Variants in PAOX observed in about 807,000 individuals in gnomAD.
The protein encoded by PAOX is polyamine oxidase.
In PAOX, 38 loss-of-function variants were observed where a neutral mutation model predicts 39.0. The ratio of observed to expected loss-of-function variants is 0.97; its 90% CI spans 0.75 to 1.28. PAOX has a LOEUF of 1.28. Ranked by LOEUF, PAOX falls within the 50% of genes most tolerant of loss-of-function variation. The pLI is 0.00. For missense variants in PAOX, 667 were observed against 685.7 expected, an observed-to-expected ratio of 0.97 and a Z score of 0.30; for synonymous variants, 311 against 314.4, an observed-to-expected ratio of 0.99 and a Z score of 0.11.
rs922114841 is a variant in PAOX, at chr10:133,379,517, C to T, written c.181+20C>T. The T allele has an allele frequency of 5.7e-6, 7 of 1,225,022 alleles. No homozygotes were observed. The highest frequency in any genetic ancestry group is 4.3e-5 in the Admixed American group (1 of 23,460). 75.9% of individuals were successfully genotyped at this position (1,225,022 alleles called of 1,614,324 possible). ...GCTTCGGTAACCGCCCCTCCCGGAG[C>T]CCCTCCCGGAACCCAACCGGCTGCG... On this transcript the variant is annotated intron_variant, in intron 1 of 6. Transcript: ENST00000278060.
rs1849491608 is a variant in PAOX at position 133,384,881 on chromosome 10, A to G, written c.1121+669A>G. On this transcript the variant is annotated intron_variant, in intron 4 of 6. Transcript: ENST00000278060. This position sits in a 1 kb window ranked among gnomAD's most constrained non-coding sequence, Gnocchi z 4.3. ...AAAGACCCGGGATGGGGTGGGATGT[A>G]GGGCATGCCTGCCAGATGGTTCATA... Among the ~76,000 whole-genome samples, 1 of 152,214 alleles carries G rather than the reference A, an allele frequency of 6.6e-6. No homozygotes were observed. Among genetic ancestry groups the G allele is most frequent in the Non-Finnish European group, 1.5e-5 (1 of 68,034 alleles).
At chr10:133,389,929 C>T (rs1041881363) in intron 6 of PAOX, among the ~76,000 whole-genome samples, 182 bp downstream of exon 6, 1 of 152,212 alleles carries the variant, frequency 6.6e-6, no homozygotes, top group Non-Finnish European at 1.5e-5. Context: ...TATACACACA[C>T]AGCTTAAAAA....
intron 1 of PAOX, 127 bp from the exon 2 acceptor site, chr10:133,379,872 A>G (rs142593665): frequency 3.9e-6 from 5 of 1,267,168 alleles, no homozygotes; most frequent in Non-Finnish European, 5.3e-6. Context: ...GGGGGACCAC[A>G]GGGCCCTTGG....
In PAOX at chr10:133,381,431, C is replaced by G; in HGVS notation, c.669-29C>G. On this transcript the variant is annotated intron_variant, in intron 2 of 6. Transcript: ENST00000278060. ...TCCTGCCCTTCCAGGGACTGGGCCT[C>G]TACGAAACCAGCACTTCCGTCTTTC... The G allele has an allele frequency of 4.4e-6, 7 of 1,609,072 alleles. No individual in the cohort carries two copies. The South Asian group carries it at 5.5e-5, about 13-fold the overall frequency.
chr10:133,389,512 A>G (rs553608506), intron 5 of PAOX, 78 bp from the exon 6 acceptor site: 25 of 1,588,822 alleles, frequency 1.6e-5, no homozygotes, highest in African/African-American at 1.2e-4. Flanking sequence ...AAACTGCTCA[A>G]TCTTTAAAAA....
rs150801143 is a variant in PAOX at position 133,382,381 on chromosome 10, A to G, written c.868+722A>G. On this transcript the variant is annotated intron_variant, in intron 3 of 6. Transcript: ENST00000278060. ...TGTGATGAAAAGCAGGAGCCTCCGC[A>G]GCCCTAACTCCTGTCTCCAAGGGGT... Among the ~76,000 whole-genome samples the G allele has an allele frequency of 1.1e-3, 160 of 152,336 alleles. 1 individual carries two copies. Among genetic ancestry groups the G allele is most frequent in the African/African-American group, 3.8e-3 (157 of 41,576 alleles).
chr10:133,388,895 T>C (rs1589899938), intron 4 of PAOX, 61 bp from the exon 5 acceptor site: 1 of 735,992 alleles, frequency 1.4e-6, no homozygotes, highest in East Asian at 2.5e-5. Flanking sequence ...GGTCTGGTCA[T>C]CCCAGGGCTC....
chr10:133,381,465 A>G lies in PAOX; in HGVS notation c.674A>G (p.Tyr225Cys). Residue 225 changes from tyrosine to cysteine, a missense_variant, in exon 3 of 7, where the codon TAT becomes TGT. Tyr to Cys is a radical substitution (Grantham distance 194). Transcript: ENST00000278060. ...CAGCACTTCCGTCTTTCTAGGGGCT[A>G]TCAAGGACTCACAAACTGCATGATG... ...PGLDCTFSKG[Y>C]QGLTNCMMAA... The G allele has an allele frequency of 1.2e-6, 2 of 1,613,722 alleles. No individual in the cohort carries two copies. Among genetic ancestry groups the G allele is most frequent in the South Asian group, 1.1e-5 (1 of 91,086 alleles).
chr10:133,390,764 C>T, intron 6 of PAOX: 1 of 583,670 alleles, frequency 1.7e-6, no homozygotes, highest in South Asian at 2.1e-5. Context: ...TACTAATTGA[C>T]TTCTCATTAC....
chr10:133,380,345 C>G lies in PAOX; in HGVS notation c.528C>G (p.Thr176=). Residue 176 remains threonine, a synonymous_variant, in exon 2 of 7, where the codon ACC becomes ACG. Transcript: ENST00000278060. ...CCGGCTGGACAGAGGATGAGGAGAC[C>G]AGGAAGCTGAAGCTGGCCGTCCTGA... ...HVAGWTEDEE[T]RKLKLAVLNS... is the part of the protein sequence containing the mutation. The G allele has an allele frequency of 6.2e-7, 1 of 1,612,918 alleles. No homozygotes were observed. Among genetic ancestry groups the G allele is most frequent in the Non-Finnish European group, 8.5e-7 (1 of 1,180,036 alleles).
At chr10:133,387,878 G>A (rs1286370999) in intron 4 of PAOX, among the ~76,000 whole-genome samples, 1 of 152,118 alleles carries the variant, frequency 6.6e-6, no homozygotes, top group Non-Finnish European at 1.5e-5. Flanking sequence ...CCGCCACCAC[G>A]CCTGGCTAAT....
chr10:133,379,974 G>T, intron 1 of PAOX, 25 bp from the exon 2 acceptor site: 1 of 1,506,192 alleles, frequency 6.6e-7, no homozygotes, highest in Non-Finnish European at 8.8e-7. Flanking sequence ...GGGACCTCCA[G>T]GTGGCATCTG....
chr10:133,384,000 C>G lies in PAOX; in HGVS notation c.909C>G (p.Pro303=). The change falls in exon 4 of 7, where the codon CCC becomes CCG. Residue 303 remains proline (P), a synonymous_variant. Coordinates refer to ENST00000278060, the MANE Select transcript of PAOX (RefSeq NM_152911.4). ...REHLDTFFDP[P]LPAEKAEAIR... is the part of the protein sequence containing the mutation. ...ATTTGGACACCTTCTTTGACCCTCC[C>G]CTGCCGGCTGAGAAGGCAGAAGCAA... is the stretch of plus-strand genomic sequence containing the variant. 6.2e-7 allele frequency: 1 copy of G among 1,614,160 alleles called. No individual in the cohort carries two copies. Among genetic ancestry groups the G allele is most frequent in the Non-Finnish European group, 8.5e-7 (1 of 1,180,040 alleles).
Position 133,384,986 on chromosome 10 carries a change from T to C in PAOX, c.1121+774T>C, listed in dbSNP as rs1010414111. 6.6e-6 allele frequency among the ~76,000 whole-genome samples: 1 copy of C among 152,146 alleles called. No individual in the cohort carries two copies. Among genetic ancestry groups the C allele is most frequent in the Admixed American group, 6.5e-5 (1 of 15,272 alleles). On this transcript the variant is annotated intron_variant, in intron 4 of 6. Coordinates refer to ENST00000278060, the MANE Select transcript of PAOX (RefSeq NM_152911.4). This position sits in a 1 kb window ranked among gnomAD's most constrained non-coding sequence, Gnocchi z 4.3. The stretch of plus-strand genomic sequence containing the variant: ...TGACGGGGGAAGCCTGTGTGTCTCC[T>C]TCACACTGAAGAGAAAACTGGCATT...
chr10:133,388,271 G>A (rs1285262160), intron 4 of PAOX, among the ~76,000 whole-genome samples: 8 of 152,250 alleles, frequency 5.3e-5, no homozygotes, highest in African/African-American at 1.9e-4. Context: ...GTACCCATTA[G>A]TTATTTTTCC....
chr10:133,380,329 C>G lies in PAOX; in HGVS notation c.512C>G (p.Thr171Arg). 1 of 1,612,920 alleles carries G rather than the reference C, an allele frequency of 6.2e-7. No individual in the cohort carries two copies. Among genetic ancestry groups the G allele is most frequent in the Non-Finnish European group, 8.5e-7 (1 of 1,180,034 alleles). The change falls in exon 2 of 7, where the codon ACA (threonine) becomes AGA (arginine). Residue 171 changes from threonine (T) to arginine (R), a missense_variant. Coordinates refer to ENST00000278060, the MANE Select transcript of PAOX (RefSeq NM_152911.4). ...KEIGQHVAGW[T>R]EDEETRKLKL... ...ATTGGCCAGCACGTGGCCGGCTGGA[C>G]AGAGGATGAGGAGACCAGGAAGCTG...
At chr10:133,383,679 C>T (rs559952419) in intron 3 of PAOX, among the ~76,000 whole-genome samples, 3 of 151,892 alleles carry the variant, frequency 2.0e-5, no homozygotes, top group East Asian at 3.9e-4. Context: ...AACAGAGGCT[C>T]ACGCCTGTAA....
Position 133,384,612 on chromosome 10 carries a change from G to T in PAOX, c.1121+400G>T, listed in dbSNP as rs1269835006. Among the ~76,000 whole-genome samples, 2 of 152,210 alleles carry T rather than the reference G, an allele frequency of 1.3e-5. No individual in the cohort carries two copies. Among genetic ancestry groups the T allele is most frequent in the East Asian group, 3.8e-4 (2 of 5,198 alleles). On this transcript the variant is annotated intron_variant, in intron 4 of 6. Transcript: ENST00000278060. This position sits in a 1 kb window ranked among gnomAD's most constrained non-coding sequence, Gnocchi z 4.3. ...GAAATAATTGAAGGAAACATTCCGAGAAGTAATGGAATGGGAGACCCACAG... is the reference window on the plus strand; with the variant it reads ...GAAATAATTGAAGGAAACATTCCGATAAGTAATGGAATGGGAGACCCACAG...
In PAOX at chr10:133,380,316, G is replaced by C. The variant is rs140228392; in HGVS notation, c.499G>C (p.Val167Leu). 9.3e-6 allele frequency: 15 copies of C among 1,612,814 alleles called. No homozygotes were observed. Among genetic ancestry groups the C allele is most frequent in the Non-Finnish European group, 1.3e-5 (15 of 1,180,048 alleles). ...EYLKKEIGQH[V>L]AGWTEDEETR... ...CCTCAAGAAGGAGATTGGCCAGCACGTGGCCGGCTGGACAGAGGATGAGGA... is the reference window on the plus strand; with the variant it reads ...CCTCAAGAAGGAGATTGGCCAGCACCTGGCCGGCTGGACAGAGGATGAGGA... The change falls in exon 2 of 7, where the codon GTG becomes CTG. Residue 167 changes from valine (V) to leucine (L), a missense_variant. Val to Leu is a conservative substitution (Grantham distance 32). Transcript: ENST00000278060.
Sources: allele counts gnomAD v4.1 joint callset (sites outside exome capture counted in the v4.1 genomes callset), GRCh38; gene constraint gnomAD v4.1.1; non-coding constraint Gnocchi (gnomAD v3.1); transcripts MANE v1.5; gene names NCBI Gene and HGNC (gene_info 2026-07-23, HGNC 2026-07-21).